ERBB4: variants seen among roughly 807,000 people sequenced by gnomAD.
ERBB4 encodes erb-b2 receptor tyrosine kinase 4, also known as receptor tyrosine-protein kinase erbB-4.
A neutral mutation model predicts 158.0 loss-of-function variants in ERBB4; 42 were observed. That is an observed-to-expected ratio of 0.27 (90% CI 0.21 to 0.34). The LOEUF (loss-of-function observed/expected upper bound fraction) is 0.34, where lower values mean the gene tolerates loss of function less well. Among genes scored for constraint, ERBB4 ranks in the 10% least tolerant of loss-of-function variants. The probability of loss-of-function intolerance (pLI) is 1.00; values close to 1 mark genes in which losing one functional copy is unlikely to be tolerated. For synonymous variants in ERBB4, 583 were observed against 558.7 expected, an observed-to-expected ratio of 1.04 and a Z score of -0.61; for missense variants, 1,333 against 1,624.1, an observed-to-expected ratio of 0.82 and a Z score of 3.08.
At chr2:211,792,299 CA>C (rs765946381) in intron 3 of ERBB4, among the ~76,000 whole-genome samples, 5 of 151,382 alleles carry the variant, frequency 3.3e-5, no homozygotes, top group Non-Finnish European at 7.4e-5. Flanking sequence ...TCTCCAGTTT[CA>C]ATATTATGCA....
At chr2:211,438,545 G>C (rs2063905986) in intron 20 of ERBB4, among the ~76,000 whole-genome samples, 1 of 152,064 alleles carries the variant, frequency 6.6e-6, no homozygotes, top group Admixed American at 6.5e-5. Context: ...TTAAAATTCA[G>C]AAAACACGTA....
In ERBB4 at chr2:211,709,237, A is replaced by ATATATATATATATATG. The variant is rs2073576679; in HGVS notation, c.1124+2812_1124+2813insCATATATATATATATA. On this transcript the variant is annotated intron_variant, in intron 9 of 27. Coordinates refer to ENST00000342788, the MANE Select transcript of ERBB4 (RefSeq NM_005235.3). ...TGACTATATATATGCGTGTGTGTGT[A>ATATATATATATATATG]TATATATATATATACACATATATAT... Among the ~76,000 whole-genome samples, 5 of 41,634 alleles carry ATATATATATATATATG rather than the reference A, an allele frequency of 1.2e-4. No individual in the cohort carries two copies. The South Asian group carries it at 5.5e-3, about 46-fold the overall frequency. The allele number at this position is 41,634 out of a possible 152,430, so 27.3% of individuals were successfully genotyped here. A position where few individuals can be genotyped will look rare whatever the true frequency, so the allele number is the denominator to read the frequency against.
chr2:211,958,137 T>C (rs1358278506), intron 2 of ERBB4, among the ~76,000 whole-genome samples: 1 of 152,086 alleles, frequency 6.6e-6, no homozygotes, highest in African/African-American at 2.4e-5. Context: ...TGTCTAAATA[T>C]TTGGCCATAA....
chr2:211,612,339 T>C (rs929080583), intron 19 of ERBB4, among the ~76,000 whole-genome samples: 2 of 152,002 alleles, frequency 1.3e-5, no homozygotes, highest in Non-Finnish European at 2.9e-5. Flanking sequence ...AGCAGACATA[T>C]TTGCTGTCAT....
intron 19 of ERBB4, among the ~76,000 whole-genome samples, chr2:211,591,204 T>C (rs548057206): frequency 1.3e-5 from 2 of 152,360 alleles, no homozygotes; most frequent in East Asian, 3.9e-4. Flanking sequence ...AGATCCTTGA[T>C]TGTAATCAGA....
intron 20 of ERBB4, among the ~76,000 whole-genome samples, chr2:211,500,125 G>GT (rs2065580407): frequency 6.6e-6 from 1 of 152,056 alleles, no homozygotes; most frequent in African/African-American, 2.4e-5. Flanking sequence ...TTTATTTTCT[G>GT]TATCTGGTCA....
intron 3 of ERBB4, among the ~76,000 whole-genome samples, chr2:211,876,707 T>C (rs1029565697): frequency 6.6e-6 from 1 of 152,136 alleles, no homozygotes; most frequent in East Asian, 1.9e-4. Flanking sequence ...GTAAGAGGCA[T>C]GAGGGAATCT....
chr2:212,496,281 TA>T (rs36062314), intron 1 of ERBB4, among the ~76,000 whole-genome samples: 12,549 of 140,828 alleles, frequency 0.089, 1,717 homozygotes, highest in African/African-American at 0.3. Context: ...ATTGACCTGG[TA>T]AAAAAAAAAA....
chr2:212,115,302 A>C (rs750279782), intron 2 of ERBB4, among the ~76,000 whole-genome samples: 6 of 152,136 alleles, frequency 3.9e-5, no homozygotes, highest in African/African-American at 1.4e-4. Context: ...ATTTGGTCTC[A>C]TGCAAAATTG....
chr2:212,193,086 T>C (rs62182573), intron 1 of ERBB4, among the ~76,000 whole-genome samples: 26,872 of 152,102 alleles, frequency 0.18, 2,690 homozygotes, highest in Non-Finnish European at 0.22. Flanking sequence ...GCTCCTGCTA[T>C]GTACAAAATA....
chr2:211,443,988 C>T (rs1254712754), intron 20 of ERBB4, among the ~76,000 whole-genome samples: 3 of 151,992 alleles, frequency 2.0e-5, no homozygotes, highest in Non-Finnish European at 2.9e-5. Context: ...GTATAAAACA[C>T]ACTTTTATAC....
At position 212,256,558 on chromosome 2, in the gene ERBB4, A is replaced by T. The variant is rs111418248; in HGVS notation, c.83-131655T>A. ...AGGTGGAAGGGAGGTGGTGTTATTAAACATTTATTAAGGATCTGCACATAT... is the reference window on the plus strand; with the variant it reads ...AGGTGGAAGGGAGGTGGTGTTATTATACATTTATTAAGGATCTGCACATAT... On this transcript the variant is annotated intron_variant, in intron 1 of 27. Coordinates refer to ENST00000342788, the MANE Select transcript of ERBB4 (RefSeq NM_005235.3). Among the ~76,000 whole-genome samples, 743 of 152,298 alleles carry T rather than the reference A, an allele frequency of 4.9e-3. 7 individuals carry two copies. Among genetic ancestry groups the T allele is most frequent in the Middle Eastern group, 0.017 (5 of 294 alleles).
In ERBB4 at chr2:211,521,432, T is replaced by C. The variant is rs529381792; in HGVS notation, c.2487+40471A>G. ...AGTAAGGAAGCTGCAGAAGAAAAGT[T>C]GGAAGCTAGCAGAGGTTGGTTCATG... On this transcript the variant is annotated intron_variant, in intron 20 of 27. Transcript: ENST00000342788. Among the ~76,000 whole-genome samples, 38 of 152,308 alleles carry C rather than the reference T, an allele frequency of 2.5e-4. 1 individual carries two copies. In the South Asian group the frequency reaches 7.5e-3, roughly 30 times the overall value.
chr2:212,142,644 A>G (rs1199876650), intron 1 of ERBB4, among the ~76,000 whole-genome samples: 4 of 148,512 alleles, frequency 2.7e-5, no homozygotes, highest in Non-Finnish European at 5.9e-5. Flanking sequence ...ATTATCCTCA[A>G]TTATATAGTT....
At chr2:211,593,022 A>AAAG (rs1007142618) in intron 19 of ERBB4, among the ~76,000 whole-genome samples, 2 of 151,092 alleles carry the variant, frequency 1.3e-5, no homozygotes, top group South Asian at 4.2e-4. Context: ...CAAAAAAAAA[A>AAAG]AAGAAGGGCC....
intron 3 of ERBB4, among the ~76,000 whole-genome samples, chr2:211,862,130 C>CTTAAAAA (rs2078071961): frequency 6.6e-6 from 1 of 152,148 alleles, no homozygotes; most frequent in Non-Finnish European, 1.5e-5. Context: ...TTAAAAATCT[C>CTTAAAAA]ATTCAAGATT....
At chr2:211,784,085 T>C (rs910041775) in intron 4 of ERBB4, among the ~76,000 whole-genome samples, 8 of 152,206 alleles carry the variant, frequency 5.3e-5, no homozygotes, top group Non-Finnish European at 1.0e-4. Flanking sequence ...TTCTTCCTGA[T>C]TTATTCATAA....
chr2:212,092,553 G>A (rs186405301), intron 2 of ERBB4, among the ~76,000 whole-genome samples: 2 of 152,158 alleles, frequency 1.3e-5, no homozygotes, highest in Non-Finnish European at 2.9e-5. Context: ...AAATGATATC[G>A]TTTACAGAAA....
At chr2:212,401,067 G>A (rs1033257561) in intron 1 of ERBB4, among the ~76,000 whole-genome samples, 1 of 152,126 alleles carries the variant, frequency 6.6e-6, no homozygotes, top group Non-Finnish European at 1.5e-5. Context: ...ATAAAAGAGT[G>A]TTCATACGGT....
Sources: allele counts gnomAD v4.1 joint callset (sites outside exome capture counted in the v4.1 genomes callset), GRCh38; gene constraint gnomAD v4.1.1; transcripts MANE v1.5; gene names NCBI Gene and HGNC (gene_info 2026-07-23, HGNC 2026-07-21).